The following IRF4 variants were observed in gnomAD, a reference collection of about 807,000 sequenced individuals.
IRF4 encodes interferon regulatory factor 4, also known as lymphocyte-specific interferon regulatory factor.
A neutral mutation model predicts 55.5 loss-of-function variants in IRF4; 13 were observed. That is an observed-to-expected ratio of 0.23 (90% CI 0.15 to 0.37). The LOEUF (loss-of-function observed/expected upper bound fraction) is 0.37, where lower values mean the gene tolerates loss of function less well. IRF4 is among the 10% of genes least tolerant of loss of function. The pLI, the probability that IRF4 is intolerant of heterozygous loss-of-function variation, is 1.00. For missense variants in IRF4, 397 were observed against 593.8 expected (o/e 0.67, Z 3.44); for synonymous variants, 249 against 240.7 (o/e 1.03, Z -0.32).
rs1362131991 is a variant in IRF4, at chr6:410,511, G to A, written c.*2913G>A. 1.3e-5 allele frequency: 3 copies of A among 229,120 alleles called. No individual in the cohort carries two copies. The highest frequency in any genetic ancestry group is 6.6e-5 in the African/African-American group (3 of 45,114). 14.2% of individuals were successfully genotyped at this position (229,120 alleles called of 1,614,324 possible). On this transcript the variant is annotated 3_prime_UTR_variant, in exon 9 of 9. Transcript: ENST00000380956. ...TACAGTGAAATGAGCAGCCCTTACA[G>A]TATTGTTACCACCAAGGGCAGGTAG...
rs962554781 is a variant in IRF4 at position 410,336 on chromosome 6, C to G, written c.*2738C>G. 1.9e-4 allele frequency: 43 copies of G among 227,426 alleles called. No individual in the cohort carries two copies. The highest frequency in any genetic ancestry group is 3.6e-4 in the Non-Finnish European group (41 of 114,356). The allele number at this position is 227,426 out of a possible 1,614,324, so 14.1% of individuals were successfully genotyped here. On this transcript the variant is annotated 3_prime_UTR_variant, in exon 9 of 9. Transcript: ENST00000380956. ...TATCTCCTGGAACACTATAGAGAACCAAGTGACCGACTCATTTACAACTGA... is the reference window on the plus strand; with the variant it reads ...TATCTCCTGGAACACTATAGAGAACGAAGTGACCGACTCATTTACAACTGA...
chr6:407,049 A>T, intron 8 of IRF4: 1 of 413,906 alleles, frequency 2.4e-6, no homozygotes, highest in South Asian at 7.8e-5. Flanking sequence ...CTAGAAATCA[A>T]ATCATTCAGG....
At chr6:396,871 C>T (rs113508675) in intron 4 of IRF4, among the ~76,000 whole-genome samples, 128 of 67,900 alleles carry the variant, frequency 1.9e-3, no homozygotes, top group Middle Eastern at 0.012. Flanking sequence ...CCAGTGCTTC[C>T]TATCTCAGCC....
intron 2 of IRF4, 94 bp from the exon 3 acceptor site, chr6:394,727 C>T (rs920453866): frequency 1.6e-6 from 2 of 1,212,366 alleles, no homozygotes; most frequent in Non-Finnish European, 2.3e-6. Context: ...TGTACTCTAG[C>T]CTGGGCAGCA....
In IRF4 at chr6:393,054, G is replaced by C; in HGVS notation, c.-55-44G>C. On this transcript the variant is annotated intron_variant, in intron 1 of 8. Coordinates refer to ENST00000380956, the MANE Select transcript of IRF4 (RefSeq NM_002460.4). The surrounding 1 kb of genome is among the most constrained non-coding windows in gnomAD (Gnocchi z 5.4). ...GCAGGGGATCGGGGCGGGGTGCCCG[G>C]AGTGCGGTGCCTCGTGGCTGAAGGG... 1 of 1,129,416 alleles carries C rather than the reference G, an allele frequency of 8.9e-7. No homozygotes were observed. The allele number at this position is 1,129,416 out of a possible 1,614,324, so 70.0% of individuals were successfully genotyped here.
chr6:397,333 G>A (rs929660467), intron 5 of IRF4, 81 bp downstream of exon 5: 3 of 1,512,120 alleles, frequency 2.0e-6, no homozygotes, highest in Admixed American at 1.8e-5. Context: ...GGTCTGTCCT[G>A]GGCAGCACCA....
At position 407,406 on chromosome 6, in the gene IRF4, C is replaced by CA. The variant is rs760257194; in HGVS notation, c.1213-49_1213-48insA. On this transcript the variant is annotated intron_variant, in intron 8 of 8. Coordinates refer to ENST00000380956, the MANE Select transcript of IRF4 (RefSeq NM_002460.4). ...AATCTGAGTGCTGTTTAATAGTGAG[C>CA]CAGTTGCAGGATATCTCAGTAATGT... 3.2e-6 allele frequency: 5 copies of CA among 1,543,874 alleles called. No homozygotes were observed. In the East Asian group the frequency reaches 9.0e-5, roughly 28 times the overall value.
At position 406,814 on chromosome 6, in the gene IRF4, ATATCATGATT is replaced by A. The variant is rs201666732; in HGVS notation, c.1213-640_1213-631del. 1.8e-3 allele frequency: 2,220 copies of A among 1,200,372 alleles called. 36 individuals are homozygous for A. The African/African-American group carries it at 0.033, about 18-fold the overall frequency. The allele number at this position is 1,200,372 out of a possible 1,614,324, so 74.4% of individuals were successfully genotyped here. A position where few individuals can be genotyped will look rare whatever the true frequency, so the allele number is the denominator to read the frequency against. ...CGTCATATATAAAATACAGTCTCTA[ATATCATGATT>A]GATGGAGAGCATTCAGCTTGCCTTA... is the stretch of plus-strand genomic sequence containing the variant. On this transcript the variant is annotated intron_variant, in intron 8 of 8. Transcript: ENST00000380956.
In IRF4 at chr6:397,272, A is replaced by C; in HGVS notation, c.637+20A>C. ...AAAATGGTAAGGAGGATACCAGTGC[A>C]GGAAATAGAAGAGCTAATTGCTAAT... On this transcript the variant is annotated intron_variant, in intron 5 of 8. Coordinates refer to ENST00000380956, the MANE Select transcript of IRF4 (RefSeq NM_002460.4). 1 of 1,613,590 alleles carries C rather than the reference A, an allele frequency of 6.2e-7. No homozygotes were observed.
At chr6:391,961 C>A in intron 1 of IRF4, 152 bp downstream of exon 1, 1 of 426,110 alleles carries the variant, frequency 2.3e-6, no homozygotes, top group Non-Finnish European at 4.8e-6. Context: ...CTCCGACTCC[C>A]ACCCCATCTG....
At chr6:400,652 A>T (rs187384000) in intron 6 of IRF4, among the ~76,000 whole-genome samples, 1 of 152,230 alleles carries the variant, frequency 6.6e-6, no homozygotes, top group African/African-American at 2.4e-5. Context: ...GGAAAATAAA[A>T]ATATCACATT....
Position 395,934 on chromosome 6 carries a change from A to C in IRF4, c.491A>C (p.Gln164Pro), listed in dbSNP as rs1761241747. The change falls in exon 4 of 9, where the codon CAG becomes CCG. Residue 164 changes from glutamine to proline, a missense_variant and splice_region_variant. By Grantham distance (76) the Gln-to-Pro change is moderately conservative. This residue lies in a region of IRF4 where 341 missense variants were observed against 548.1 expected (regional missense o/e 0.62). Transcript: ENST00000380956. ...ACGCCTTACCCTTCGCTCCCAGCCC[A>C]GGTATGGTGGAGGGCACTGGGCTCC... ...MTTPYPSLPAQQVHNYMMPPL... is the reference protein window; with the variant it reads ...MTTPYPSLPAPQVHNYMMPPL... 1.2e-6 allele frequency: 2 copies of C among 1,612,068 alleles called. No homozygotes were observed. The highest frequency in any genetic ancestry group is 4.5e-5 in the East Asian group (2 of 44,868).
At chr6:400,383 G>A (rs193243887) in intron 6 of IRF4, among the ~76,000 whole-genome samples, 2 of 152,226 alleles carry the variant, frequency 1.3e-5, no homozygotes, top group East Asian at 3.9e-4. Flanking sequence ...TTCAACTCAT[G>A]GGCGATATTT....
intron 8 of IRF4, 66 bp from the exon 9 acceptor site, chr6:407,389 T>C (rs964023291): frequency 7.2e-7 from 1 of 1,384,930 alleles, no homozygotes; most frequent in Admixed American, 2.2e-5. Flanking sequence ...AGAATCTGAG[T>C]GCTGTTTAAT....
intron 1 of IRF4, 146 bp from the exon 2 acceptor site, chr6:392,952 C>T (rs899853842): frequency 4.0e-5 from 20 of 504,038 alleles, no homozygotes; most frequent in Non-Finnish European, 6.2e-5. Flanking sequence ...TGCCTTCTTC[C>T]GGGGGCCCGG....
chr6:396,034 AT>A lies in IRF4; in HGVS notation c.492+102del, dbSNP rs1287923655. ...AGCAGCCCAGACAGCAGAACTTGCCATTTGCTATGGCTGCTCCAACAGCCCA... is the reference window on the plus strand; with the variant it reads ...AGCAGCCCAGACAGCAGAACTTGCCATTGCTATGGCTGCTCCAACAGCCCA... On this transcript the variant is annotated intron_variant, in intron 4 of 8. Coordinates refer to ENST00000380956, the MANE Select transcript of IRF4 (RefSeq NM_002460.4). 11 of 914,650 alleles carry A rather than the reference AT, an allele frequency of 1.2e-5. No homozygotes were observed. The African/African-American group carries it at 1.8e-4, about 15-fold the overall frequency. 56.7% of individuals were successfully genotyped at this position (914,650 alleles called of 1,614,324 possible).
chr6:393,889 T>C lies in IRF4; in HGVS notation c.216+521T>C, dbSNP rs1196597456. On this transcript the variant is annotated intron_variant, in intron 2 of 8. Transcript: ENST00000380956. This position sits in a 1 kb window ranked among gnomAD's most constrained non-coding sequence, Gnocchi z 5.4. The stretch of plus-strand genomic sequence containing the variant: ...GGTCAGCCTCTCTTCTCGCTCCTGC[T>C]AGCTCTCTGCGGGTACTCCCACCTC... 1.3e-4 allele frequency among the ~76,000 whole-genome samples: 20 copies of C among 152,206 alleles called. No individual in the cohort carries two copies. The highest frequency in any genetic ancestry group is 1.1e-3 in the Admixed American group (17 of 15,284).
Position 401,570 on chromosome 6 carries a change from A to C in IRF4, c.892A>C (p.Asn298His). 1.2e-6 allele frequency: 2 copies of C among 1,614,130 alleles called. No homozygotes were observed. The highest frequency in any genetic ancestry group is 1.7e-6 in the Non-Finnish European group (2 of 1,180,038). ...GGTCCTGTTCCCCTACCCAGAGGACAATGGCCAGAGGAAAAACATTGAGAA... is the reference window on the plus strand; with the variant it reads ...GGTCCTGTTCCCCTACCCAGAGGACCATGGCCAGAGGAAAAACATTGAGAA... ...DQVLFPYPED[N>H]GQRKNIEKLL... Residue 298 changes from asparagine (N) to histidine (H), a missense_variant, in exon 7 of 9, where the codon AAT (asparagine) becomes CAT (histidine). Around this residue, in one of 3 missense-constraint regions of IRF4, gnomAD observed 341 missense variants for 548.1 expected, o/e 0.62. Coordinates refer to ENST00000380956, the MANE Select transcript of IRF4 (RefSeq NM_002460.4).
chr6:407,820 A>G lies in IRF4; in HGVS notation c.*222A>G. The G allele has an allele frequency of 2.0e-6, 1 of 498,718 alleles. No individual in the cohort carries two copies. The highest frequency in any genetic ancestry group is 4.1e-5 in the Admixed American group (1 of 24,478). The allele number at this position is 498,718 out of a possible 1,614,324, so 30.9% of individuals were successfully genotyped here. On this transcript the variant is annotated 3_prime_UTR_variant, in exon 9 of 9. Coordinates refer to ENST00000380956, the MANE Select transcript of IRF4 (RefSeq NM_002460.4). ...CACCCACCCAAGACAAGTGATTTTC[A>G]TTGTAAATATTTGACTTTAGTGAAA...
Sources: allele counts gnomAD v4.1 joint callset (sites outside exome capture counted in the v4.1 genomes callset), GRCh38; gene constraint gnomAD v4.1.1; regional missense constraint gnomAD v4.1.1; non-coding constraint Gnocchi (gnomAD v3.1); transcripts MANE v1.5; gene names NCBI Gene and HGNC (gene_info 2026-07-23, HGNC 2026-07-21).